The following UBAP2 variants were observed in gnomAD, a reference collection of about 807,000 sequenced individuals.
The protein encoded by UBAP2 is ubiquitin-associated protein 2.
UBAP2 carries 75 observed loss-of-function variants against 139.6 expected under a neutral mutation model. The observed-to-expected ratio is 0.54, with a 90% confidence interval of 0.45 to 0.65. The LOEUF (loss-of-function observed/expected upper bound fraction) is 0.65. Among genes scored for constraint, UBAP2 ranks in the 30% least tolerant of loss-of-function variants. UBAP2 has a pLI of 0.00. For missense variants in UBAP2, 1,368 were observed against 1,369.6 expected (o/e 1.00, Z 0.02); for synonymous variants, 526 against 526.2 (o/e 1.00, Z 0.01).
intron 2 of UBAP2, among the ~76,000 whole-genome samples, chr9:34,003,599 G>A (rs934570484): frequency 1.3e-5 from 2 of 151,886 alleles, no homozygotes; most frequent in African/African-American, 2.4e-5. Flanking sequence ...TACAGATGCG[G>A]TTTCACCATG....
At chr9:33,954,584 C>T (rs539696699) in intron 11 of UBAP2, among the ~76,000 whole-genome samples, 1 of 152,230 alleles carries the variant, frequency 6.6e-6, no homozygotes, top group South Asian at 2.1e-4. Context: ...CTCACCATGC[C>T]AATAAGACAG....
At chr9:33,965,623 A>C (rs1281610967) in intron 8 of UBAP2, among the ~76,000 whole-genome samples, 1 of 152,190 alleles carries the variant, frequency 6.6e-6, no homozygotes, top group Non-Finnish European at 1.5e-5. Context: ...ATACAGTATA[A>C]TGTATGGCAT....
chr9:33,924,504 C>T (rs1823249746), intron 22 of UBAP2, among the ~76,000 whole-genome samples: 1 of 152,268 alleles, frequency 6.6e-6, no homozygotes, highest in African/African-American at 2.4e-5. Context: ...AACCCTGCAG[C>T]TTCACCAGGC....
At chr9:34,025,026 C>A (rs1054005541) in intron 1 of UBAP2, among the ~76,000 whole-genome samples, 1 of 151,950 alleles carries the variant, frequency 6.6e-6, no homozygotes, top group African/African-American at 2.4e-5. Context: ...TCCATTAAAT[C>A]AAGGTAAAAG....
chr9:33,922,613 G>C lies in UBAP2; in HGVS notation c.3265-14C>G. ...ACCCGAGCCACTCTGAGGAAGAGGA[G>C]AAGGGAAGGCTGTCAAGGCTGGAGC... On this transcript the variant is annotated splice_polypyrimidine_tract_variant and intron_variant, in intron 28 of 28. Transcript: ENST00000379238. The C allele has an allele frequency of 6.2e-7, 1 of 1,611,732 alleles. No homozygotes were observed. Among genetic ancestry groups the C allele is most frequent in the South Asian group, 1.1e-5 (1 of 90,774 alleles).
intron 2 of UBAP2, among the ~76,000 whole-genome samples, chr9:34,014,686 T>C (rs1217739311): frequency 6.6e-6 from 1 of 151,490 alleles, no homozygotes; most frequent in Non-Finnish European, 1.5e-5. Context: ...TCCCAGCTAC[T>C]TGGAAGGCTG....
At chr9:34,014,516 C>G (rs775839079) in intron 2 of UBAP2, among the ~76,000 whole-genome samples, 8 of 151,908 alleles carry the variant, frequency 5.3e-5, no homozygotes, top group Non-Finnish European at 1.2e-4. Flanking sequence ...GTAATCCCAG[C>G]TACTTGAGAG....
At chr9:33,923,528 G>A (rs1262705125) in intron 24 of UBAP2, 50 bp from the exon 25 acceptor site, 1 of 1,577,644 alleles carries the variant, frequency 6.3e-7, no homozygotes, top group Admixed American at 1.7e-5. Flanking sequence ...GCAAGCTGAG[G>A]CTGGTCAGGT....
At chr9:33,942,268 C>T (rs1428079996) in intron 15 of UBAP2, among the ~76,000 whole-genome samples, 3 of 151,908 alleles carry the variant, frequency 2.0e-5, no homozygotes, top group African/African-American at 2.4e-5. Context: ...ACCAAGATCG[C>T]GCCACTGCAC....
chr9:33,990,629 AC>A (rs958472584), intron 4 of UBAP2, among the ~76,000 whole-genome samples: 2 of 111,976 alleles, frequency 1.8e-5, no homozygotes, highest in Non-Finnish European at 3.6e-5. Context: ...TAGAAATAGT[AC>A]CCCCCAATTT....
chr9:33,991,605 G>C (rs537317605), intron 4 of UBAP2, among the ~76,000 whole-genome samples: 1 of 152,262 alleles, frequency 6.6e-6, no homozygotes, highest in East Asian at 1.9e-4. Flanking sequence ...TTTAAGTGAG[G>C]ATGTTTAATT....
chr9:33,974,450 T>C (rs1024203430), intron 6 of UBAP2, among the ~76,000 whole-genome samples: 1 of 152,082 alleles, frequency 6.6e-6, no homozygotes, highest in African/African-American at 2.4e-5. Flanking sequence ...GAGGCTGCAG[T>C]GAGCTGAGAT....
Position 34,020,398 on chromosome 9 carries a change from C to T in UBAP2, c.-41-3209G>A, listed in dbSNP as rs117992497. Reference sequence around the variant, plus strand: ...TGCAACGAATAGTGCGATCTCGGCTCACTGCAACCTCCACCTTCTGGGTTC... The same window carrying T: ...TGCAACGAATAGTGCGATCTCGGCTTACTGCAACCTCCACCTTCTGGGTTC... On this transcript the variant is annotated intron_variant, in intron 1 of 28. Transcript: ENST00000379238. Among the ~76,000 whole-genome samples, 180 of 151,696 alleles carry T rather than the reference C, an allele frequency of 1.2e-3. 2 individuals carry two copies. The East Asian group carries it at 0.032, about 27-fold the overall frequency.
At chr9:33,940,924 ACTTT>A (rs1464188651) in intron 16 of UBAP2, among the ~76,000 whole-genome samples, 3 of 152,242 alleles carry the variant, frequency 2.0e-5, no homozygotes, top group Non-Finnish European at 2.9e-5. Flanking sequence ...AATTAGCGCA[ACTTT>A]CTTTATTGCA....
intron 6 of UBAP2, among the ~76,000 whole-genome samples, chr9:33,984,311 C>T (rs1326610800): frequency 6.6e-6 from 1 of 152,084 alleles, no homozygotes; most frequent in Non-Finnish European, 1.5e-5. Context: ...GACTAATATT[C>T]AGACAATACA....
chr9:33,996,005 C>A, intron 4 of UBAP2: 1 of 458,068 alleles, frequency 2.2e-6, no homozygotes, highest in Non-Finnish European at 3.9e-6. Flanking sequence ...GAGTAGATCA[C>A]CAAGTTCTCT....
chr9:33,932,556 A>G lies in UBAP2; in HGVS notation c.2175+6T>C, dbSNP rs1824077943. On this transcript the variant is annotated splice_donor_region_variant and intron_variant, in intron 19 of 28. Transcript: ENST00000379238. ...CGGAGGAAGAGGAAGCCGCGCAGACACTTACTGTGTGTGACGTGCTCGAGG... is the reference window on the plus strand; with the variant it reads ...CGGAGGAAGAGGAAGCCGCGCAGACGCTTACTGTGTGTGACGTGCTCGAGG... The G allele has an allele frequency of 3.7e-6, 6 of 1,613,918 alleles. No individual in the cohort carries two copies. The highest frequency in any genetic ancestry group is 5.1e-6 in the Non-Finnish European group (6 of 1,180,016).
At chr9:33,986,690 G>C (rs1821244420) in intron 6 of UBAP2, 70 bp downstream of exon 6, 5 of 1,284,558 alleles carry the variant, frequency 3.9e-6, no homozygotes, top group Non-Finnish European at 5.7e-6. Context: ...CCTAGTCACA[G>C]TCCAGCAACG....
intron 16 of UBAP2, among the ~76,000 whole-genome samples, chr9:33,940,485 AG>A (rs540566743): frequency 6.6e-6 from 1 of 152,368 alleles, no homozygotes. Context: ...AAGTGATAAA[AG>A]GAACAAAGAG....
Sources: gnomAD v4.1 joint callset for allele counts (sites outside exome capture counted in the v4.1 genomes callset) on GRCh38, gnomAD v4.1.1 for gene constraint, MANE v1.5 for transcripts, NCBI Gene and HGNC (gene_info 2026-07-23, HGNC 2026-07-21) for gene names.